The following EBF1 variants were observed in gnomAD, a reference collection of about 807,000 sequenced individuals.
The protein encoded by EBF1 is EBF transcription factor 1.
EBF1 carries 10 observed loss-of-function variants against 68.4 expected under a neutral mutation model. The observed-to-expected ratio is 0.15, with a 90% CI of 0.09 to 0.25. The LOEUF is 0.25. EBF1 is among the 10% of genes least tolerant of loss of function. The pLI is 1.00. For synonymous variants in EBF1, 298 were observed against 299.8 expected (o/e 0.99, Z 0.06); for missense variants, 509 against 794.4 (o/e 0.64, Z 4.32).
chr5:158,759,505 A>G (rs1290177361), intron 10 of EBF1, among the ~76,000 whole-genome samples: 2 of 152,118 alleles, frequency 1.3e-5, no homozygotes, highest in African/African-American at 4.8e-5. Context: ...GGGGGATGGG[A>G]TAGGGAGAGT....
chr5:158,806,304 G>A (rs1342918298), intron 8 of EBF1, among the ~76,000 whole-genome samples: 1 of 152,116 alleles, frequency 6.6e-6, no homozygotes, highest in Non-Finnish European at 1.5e-5. Flanking sequence ...ATGAGAGAGG[G>A]ATCTTTTAGA....
intron 6 of EBF1, among the ~76,000 whole-genome samples, chr5:158,888,992 T>C (rs1307999131): frequency 1.3e-5 from 2 of 152,158 alleles, no homozygotes; most frequent in African/African-American, 2.4e-5. Flanking sequence ...CCTGCTCCCA[T>C]CCCATCCATG....
Position 158,715,468 on chromosome 5 carries a change from T to C in EBF1, c.1126-1286A>G, listed in dbSNP as rs1006458328. ...TCTATAATATAAGATAAAGTAGTTG[T>C]CATACTACAGTAACTACTTATGACA... is the stretch of plus-strand genomic sequence containing the variant. On this transcript the variant is annotated intron_variant, in intron 11 of 15. Transcript: ENST00000313708. Among the ~76,000 whole-genome samples, 4 of 152,234 alleles carry C rather than the reference T, an allele frequency of 2.6e-5. No homozygotes were observed. The South Asian group carries it at 8.3e-4, about 32-fold the overall frequency.
At chr5:158,835,337 G>T (rs1788521625) in intron 7 of EBF1, among the ~76,000 whole-genome samples, 1 of 152,126 alleles carries the variant, frequency 6.6e-6, no homozygotes, top group Non-Finnish European at 1.5e-5. Context: ...ACCCTTTACA[G>T]GTTAAGTGAA....
chr5:158,928,513 T>C (rs1275970500), intron 6 of EBF1, among the ~76,000 whole-genome samples: 1 of 152,196 alleles, frequency 6.6e-6, no homozygotes, highest in Non-Finnish European at 1.5e-5. Flanking sequence ...TCACATTAAT[T>C]GAGCTATAAC....
In EBF1 at chr5:159,096,347, G is replaced by T; in HGVS notation, c.351C>A (p.Ser117Arg). 2 of 1,613,372 alleles carry T rather than the reference G, an allele frequency of 1.2e-6. No individual in the cohort carries two copies. The highest frequency in any genetic ancestry group is 1.7e-6 in the Non-Finnish European group (2 of 1,179,720). ...TAGACCCGACCCGGGCCTCACCATT[G>T]CTGTAGAGAAGCTGAAGCCGGTAGT... ...GIHYRLQLLY[S>R]NGIRTEQDFY... Residue 117 changes from serine to arginine, a missense_variant, in exon 3 of 16, where the codon AGC becomes AGA. This residue lies in a region of EBF1 where 230 missense variants were observed against 467.7 expected (regional missense o/e 0.49). Transcript: ENST00000313708.
At chr5:158,727,195 G>T (rs1391081062) in intron 11 of EBF1, among the ~76,000 whole-genome samples, 1 of 152,170 alleles carries the variant, frequency 6.6e-6, no homozygotes, top group African/African-American at 2.4e-5. Context: ...CTCACAGTAG[G>T]CATGAAGTAA....
intron 6 of EBF1, among the ~76,000 whole-genome samples, chr5:158,978,204 C>T (rs922021566): frequency 6.6e-6 from 1 of 152,254 alleles, no homozygotes; most frequent in African/African-American, 2.4e-5. Context: ...CGAGGGCTGG[C>T]TCACTGCGCC....
At chr5:158,735,522 T>C (rs1196237702) in intron 10 of EBF1, among the ~76,000 whole-genome samples, 2 of 152,028 alleles carry the variant, frequency 1.3e-5, no homozygotes, top group African/African-American at 4.8e-5. Flanking sequence ...AATCAAATGC[T>C]CCCAAACAGG....
intron 6 of EBF1, among the ~76,000 whole-genome samples, chr5:158,941,879 G>A (rs1162884660): frequency 6.6e-6 from 1 of 152,156 alleles, no homozygotes; most frequent in Non-Finnish European, 1.5e-5. Context: ...CTTTTCTAAT[G>A]CTCTGAAGGT....
At chr5:158,914,784 G>A (rs575289474) in intron 6 of EBF1, among the ~76,000 whole-genome samples, 1 of 152,230 alleles carries the variant, frequency 6.6e-6, no homozygotes, top group Admixed American at 6.5e-5. Flanking sequence ...GGTGTTTGTT[G>A]AACAAATTAA....
At chr5:158,730,110 G>A (rs1763786823) in intron 11 of EBF1, among the ~76,000 whole-genome samples, 1 of 152,248 alleles carries the variant, frequency 6.6e-6, no homozygotes, top group Non-Finnish European at 1.5e-5. Flanking sequence ...ACTGTGGCAA[G>A]AAAGAGTCCT....
chr5:159,096,669 A>G (rs1035354091), intron 2 of EBF1: 1 of 606,104 alleles, frequency 1.6e-6, no homozygotes, highest in Non-Finnish European at 2.9e-6. Context: ...TGCCCCGGCC[A>G]CCAGAGGCAG....
At chr5:159,046,442 T>C (rs1298888462) in intron 6 of EBF1, among the ~76,000 whole-genome samples, 1 of 152,168 alleles carries the variant, frequency 6.6e-6, no homozygotes, top group African/African-American at 2.4e-5. Flanking sequence ...TACTGTAACA[T>C]AAGCGGAATG....
chr5:158,757,144 G>C (rs1770304590), intron 10 of EBF1, among the ~76,000 whole-genome samples: 2 of 152,056 alleles, frequency 1.3e-5, no homozygotes, highest in South Asian at 4.1e-4. Context: ...CCACACATCT[G>C]CTTACAAAAT....
chr5:158,819,156 C>T (rs1784335916), intron 8 of EBF1, among the ~76,000 whole-genome samples: 1 of 152,110 alleles, frequency 6.6e-6, no homozygotes, highest in Non-Finnish European at 1.5e-5. Flanking sequence ...ATACATATAT[C>T]CCCTTTAAAA....
At chr5:158,947,746 A>G (rs1306273604) in intron 6 of EBF1, among the ~76,000 whole-genome samples, 1 of 152,234 alleles carries the variant, frequency 6.6e-6, no homozygotes, top group East Asian at 1.9e-4. Flanking sequence ...CAGAAATCGT[A>G]AAGGAGAAGT....
At chr5:159,016,318 C>T (rs1365276354) in intron 6 of EBF1, among the ~76,000 whole-genome samples, 1 of 152,176 alleles carries the variant, frequency 6.6e-6, no homozygotes, top group Non-Finnish European at 1.5e-5. Flanking sequence ...CCAGTGGCTT[C>T]CCATCTTTCC....
intron 4 of EBF1, among the ~76,000 whole-genome samples, chr5:159,089,450 A>G (rs944333126): frequency 1.3e-5 from 2 of 152,160 alleles, no homozygotes; most frequent in African/African-American, 4.8e-5. Flanking sequence ...AAATACTGCT[A>G]GGTCTTAAAA....
Sources: gnomAD v4.1 joint callset for allele counts (sites outside exome capture counted in the v4.1 genomes callset) on GRCh38, gnomAD v4.1.1 for gene constraint, gnomAD v4.1.1 regional missense constraint, MANE v1.5 for transcripts, NCBI Gene and HGNC (gene_info 2026-07-23, HGNC 2026-07-21) for gene names.